ANK1: variants seen among roughly 807,000 people sequenced by gnomAD.
ANK1 encodes the protein ankyrin-1.
Under a neutral mutation model 210.4 loss-of-function variants are expected in ANK1, and 51 were observed. The ratio of observed to expected loss-of-function variants is 0.24; its 90% CI spans 0.19 to 0.31. The LOEUF (loss-of-function observed/expected upper bound fraction) is 0.31. Among genes scored for constraint, ANK1 ranks in the 10% least tolerant of loss-of-function variants. The pLI, the probability that ANK1 is intolerant of heterozygous loss-of-function variation, is 1.00. For synonymous variants in ANK1, 967 were observed against 1,025.9 expected (o/e 0.94, Z 1.10); for missense variants, 2,051 against 2,504.4 (o/e 0.82, Z 3.86).
chr8:41,709,170 G>A (rs1429209829), intron 16 of ANK1, among the ~76,000 whole-genome samples, 195 bp from the exon 17 acceptor site: 1 of 152,188 alleles, frequency 6.6e-6, no homozygotes, highest in Non-Finnish European at 1.5e-5. Context: ...CCTCAGGCTT[G>A]CATAGCCTCT....
At chr8:41,699,573 G>GCGA (rs773583792) in intron 22 of ANK1, 25 bp from the exon 23 acceptor site, 29 of 1,605,446 alleles carry the variant, frequency 1.8e-5, no homozygotes, top group Non-Finnish European at 2.4e-5. Flanking sequence ...GCTCAAGTGA[G>GCGA]CGACGGGGTA....
At chr8:41,894,695 G>T (rs1275638598) in intron 1 of ANK1, among the ~76,000 whole-genome samples, 1 of 152,172 alleles carries the variant, frequency 6.6e-6, no homozygotes, top group East Asian at 1.9e-4. Flanking sequence ...CAAAGCAGGA[G>T]GCAGGAATGG....
chr8:41,816,279 T>C (rs1273188032), intron 1 of ANK1, among the ~76,000 whole-genome samples: 1 of 152,200 alleles, frequency 6.6e-6, no homozygotes. Context: ...GTGATTGATA[T>C]ACACACAGTA....
At chr8:41,803,463 A>G (rs1298652880) in intron 1 of ANK1, 2 of 152,186 alleles carry the variant, frequency 1.3e-5, no homozygotes, top group Non-Finnish European at 2.9e-5. Flanking sequence ...AAAATTGACC[A>G]TGATTCTCTT....
In ANK1 at chr8:41,786,523, C is replaced by A. The variant is rs961263808; in HGVS notation, c.27+10989G>T. On this transcript the variant is annotated intron_variant, in intron 1 of 42. Coordinates refer to ENST00000289734, the MANE Select transcript of ANK1 (RefSeq NM_000037.4). ...ATTTATTCAAAGGCTAGGGACAAGC[C>A]CCCAGTGGCCACGTTGCAAACTAAT... Among the ~76,000 whole-genome samples the A allele has an allele frequency of 2.6e-5, 4 of 152,352 alleles. 1 individual carries two copies. The highest frequency in any genetic ancestry group is 1.9e-4 in the East Asian group (1 of 5,194).
chr8:41,658,327 T>G (rs1334834143), intron 42 of ANK1, among the ~76,000 whole-genome samples: 1 of 152,250 alleles, frequency 6.6e-6, no homozygotes, highest in African/African-American at 2.4e-5. Context: ...CTGCAATTGT[T>G]TGAGTCCCAG....
At chr8:41,755,069 C>A (rs74918198) in intron 2 of ANK1, among the ~76,000 whole-genome samples, 7,864 of 152,354 alleles carry the variant, frequency 0.052, 244 homozygotes, top group African/African-American at 0.077. Context: ...CCAGGCTTAG[C>A]CAGGACTGCA....
At chr8:41,673,667 A>C (rs908710492) in intron 37 of ANK1, among the ~76,000 whole-genome samples, 1 of 152,202 alleles carries the variant, frequency 6.6e-6, no homozygotes, top group African/African-American at 2.4e-5. Context: ...AAGAGCCCTG[A>C]GCTGCTTGTC....
chr8:41,749,142 T>A (rs1042068294), intron 2 of ANK1, among the ~76,000 whole-genome samples: 2 of 152,222 alleles, frequency 1.3e-5, no homozygotes, highest in Admixed American at 1.3e-4. Flanking sequence ...ATCTGCAAGC[T>A]GGACCTTTTA....
At chr8:41,678,226 C>A (rs1331915738) in intron 37 of ANK1, among the ~76,000 whole-genome samples, 2 of 152,032 alleles carry the variant, frequency 1.3e-5, no homozygotes, top group Non-Finnish European at 2.9e-5. Context: ...GCAACCTCCA[C>A]CTCCTGGGTT....
At chr8:41,835,313 G>C (rs534051072) in intron 1 of ANK1, among the ~76,000 whole-genome samples, 2 of 152,172 alleles carry the variant, frequency 1.3e-5, no homozygotes, top group African/African-American at 2.4e-5. Context: ...TTAGCCAGGC[G>C]TGGTGGCGGG....
chr8:41,678,166 G>A (rs1259255131), intron 37 of ANK1, among the ~76,000 whole-genome samples: 2 of 146,394 alleles, frequency 1.4e-5, no homozygotes, highest in South Asian at 4.4e-4. Context: ...TTTTTGCGTT[G>A]AGAACTCTGT....
At chr8:41,723,925 G>A (rs1830022374) in intron 7 of ANK1, among the ~76,000 whole-genome samples, 1 of 151,438 alleles carries the variant, frequency 6.6e-6, no homozygotes, top group African/African-American at 2.4e-5. Flanking sequence ...GTGTAGCTGG[G>A]ACTACAGGCA....
At chr8:41,869,449 T>C (rs1815070148) in intron 1 of ANK1, among the ~76,000 whole-genome samples, 1 of 152,112 alleles carries the variant, frequency 6.6e-6, no homozygotes, top group African/African-American at 2.4e-5. Flanking sequence ...GCGTGGTGGC[T>C]CTCGCCTGTT....
chr8:41,684,698 C>T lies in ANK1; in HGVS notation c.4391-8G>A, dbSNP rs1362335798. On this transcript the variant is annotated splice_polypyrimidine_tract_variant and splice_region_variant and intron_variant, in intron 36 of 42. Transcript: ENST00000289734. Reference sequence around the variant, plus strand: ...CTGTGTACAGATTCTCCACTGTGGGCGCAGAAGAGAGATGCACGTTACTCC... The same window carrying T: ...CTGTGTACAGATTCTCCACTGTGGGTGCAGAAGAGAGATGCACGTTACTCC... The T allele has an allele frequency of 2.5e-6, 4 of 1,613,236 alleles. No individual in the cohort carries two copies. Among genetic ancestry groups the T allele is most frequent in the Admixed American group, 1.7e-5 (1 of 60,016 alleles).
intron 20 of ANK1, among the ~76,000 whole-genome samples, chr8:41,703,023 G>T (rs1171243704): frequency 6.6e-6 from 1 of 151,478 alleles, no homozygotes; most frequent in Admixed American, 6.6e-5. Context: ...ACAGGGTTTT[G>T]CCCTGGAGTG....
At chr8:41,681,476 A>G (rs531236092) in intron 37 of ANK1, among the ~76,000 whole-genome samples, 8 of 152,346 alleles carry the variant, frequency 5.3e-5, no homozygotes, top group African/African-American at 1.9e-4. Flanking sequence ...GGTGGTGAGC[A>G]GAGCTATGAA....
chr8:41,714,177 G>A lies in ANK1; in HGVS notation c.1779C>T (p.Gly593=), dbSNP rs1289181301. ...TTACCCAGGCAGGGCTGTGCGGGGA[G>A]CCGCCCCGGGGAAGCAGCAGCTTGA... The part of the protein sequence containing the change: ...DIVKLLLPRG[G]SPHSPAWNGY... The change falls in exon 16 of 43, where the codon GGC becomes GGT. Residue 593 remains glycine, a synonymous_variant. Transcript: ENST00000289734. The A allele has an allele frequency of 1.4e-6, 2 of 1,449,838 alleles. No individual in the cohort carries two copies. The highest frequency in any genetic ancestry group is 2.0e-5 in the Admixed American group (1 of 50,072). 89.8% of individuals were successfully genotyped at this position (1,449,838 alleles called of 1,614,324 possible).
chr8:41,835,613 C>T (rs912269290), intron 1 of ANK1, among the ~76,000 whole-genome samples: 3 of 152,204 alleles, frequency 2.0e-5, no homozygotes, highest in African/African-American at 4.8e-5. Context: ...GCAGGGGATG[C>T]TGCTGCCAGC....
Sources: gnomAD v4.1 joint callset for allele counts (sites outside exome capture counted in the v4.1 genomes callset) on GRCh38, gnomAD v4.1.1 for gene constraint, MANE v1.5 for transcripts, NCBI Gene and HGNC (gene_info 2026-07-23, HGNC 2026-07-21) for gene names.